Variants in CYB5B observed in about 807,000 individuals in gnomAD.
CYB5B encodes cytochrome b5 type B (outer mitochondrial membrane).
Under a neutral mutation model 21.3 loss-of-function variants are expected in CYB5B, and 14 were observed. The observed-to-expected ratio is 0.66, with a 90% confidence interval of 0.43 to 1.03. The LOEUF (loss-of-function observed/expected upper bound fraction) is 1.03. Among genes scored for constraint, CYB5B ranks in the 50% least tolerant of loss-of-function variants. CYB5B has a pLI of 0.00. For synonymous variants in CYB5B, 69 were observed against 68.4 expected (o/e 1.01, Z -0.04); for missense variants, 166 against 185.1 (o/e 0.90, Z 0.60).
At chr16:69,440,285 C>T (rs2014806548) in intron 1 of CYB5B, among the ~76,000 whole-genome samples, 1 of 152,188 alleles carries the variant, frequency 6.6e-6, no homozygotes. Context: ...TGAGACTATA[C>T]TCATTAAACA....
chr16:69,461,899 T>G (rs2142829571), intron 4 of CYB5B, among the ~76,000 whole-genome samples: 1 of 152,336 alleles, frequency 6.6e-6, no homozygotes, highest in East Asian at 1.9e-4. Context: ...TAACCCTATT[T>G]CGTAGGTTAT....
Position 69,424,673 on chromosome 16 carries a change from G to A in CYB5B, c.-11G>A. 6.5e-7 allele frequency: 1 copy of A among 1,538,144 alleles called. No individual in the cohort carries two copies. The highest frequency in any genetic ancestry group is 8.8e-7 in the Non-Finnish European group (1 of 1,141,208). On this transcript the variant is annotated 5_prime_UTR_variant, in exon 1 of 5. Transcript: ENST00000307892. The stretch of plus-strand genomic sequence containing the variant: ...TAGTCGCGGAATCTCAGTTAGCGGT[G>A]GAGAGGCAGTATGTCCGGTTCAATG...
chr16:69,443,727 C>T (rs1314696712), intron 1 of CYB5B, among the ~76,000 whole-genome samples: 1 of 152,160 alleles, frequency 6.6e-6, no homozygotes, highest in Non-Finnish European at 1.5e-5. Flanking sequence ...TGGTGGCAGG[C>T]ACCTGTAGTC....
intron 2 of CYB5B, 81 bp from the exon 3 acceptor site, chr16:69,448,034 T>C: frequency 2.1e-6 from 3 of 1,459,768 alleles, no homozygotes; most frequent in Non-Finnish European, 2.8e-6. Flanking sequence ...TAGTCTCATG[T>C]TCCAAAGTTA....
chr16:69,444,583 C>T (rs2014858895), intron 1 of CYB5B, among the ~76,000 whole-genome samples: 2 of 151,924 alleles, frequency 1.3e-5, no homozygotes, highest in South Asian at 4.1e-4. Flanking sequence ...TCTAAGCCAT[C>T]TCTATTAAGA....
At chr16:69,432,524 T>A (rs1400728994) in intron 1 of CYB5B, among the ~76,000 whole-genome samples, 1 of 152,228 alleles carries the variant, frequency 6.6e-6, no homozygotes, top group Non-Finnish European at 1.5e-5. Flanking sequence ...TATACTTATA[T>A]GTGCAAACAT....
At chr16:69,453,822 G>T (rs1211416554) in intron 3 of CYB5B, among the ~76,000 whole-genome samples, 1 of 152,140 alleles carries the variant, frequency 6.6e-6, no homozygotes, top group Non-Finnish European at 1.5e-5. Flanking sequence ...GCCTCTCAAA[G>T]TGCTGGGATT....
At chr16:69,456,640 C>T (rs2014986156) in intron 3 of CYB5B, among the ~76,000 whole-genome samples, 1 of 152,122 alleles carries the variant, frequency 6.6e-6, no homozygotes, top group Admixed American at 6.5e-5. Flanking sequence ...AAAATCTGGG[C>T]ATGGACATAA....
chr16:69,426,413 AAG>A (rs1056610829), intron 1 of CYB5B, among the ~76,000 whole-genome samples: 3 of 148,434 alleles, frequency 2.0e-5, no homozygotes, highest in African/African-American at 7.5e-5. Context: ...AAAAAAAAAA[AAG>A]TACTTTCCCG....
At chr16:69,427,559 G>GTCT (rs1173829010) in intron 1 of CYB5B, among the ~76,000 whole-genome samples, 1 of 151,996 alleles carries the variant, frequency 6.6e-6, no homozygotes, top group Non-Finnish European at 1.5e-5. Flanking sequence ...TTGAGACAAG[G>GTCT]TCTTACTTTC....
At chr16:69,452,746 C>T (rs780305675) in intron 3 of CYB5B, among the ~76,000 whole-genome samples, 3 of 152,008 alleles carry the variant, frequency 2.0e-5, no homozygotes, top group Non-Finnish European at 4.4e-5. Context: ...CGGTGGCTCA[C>T]GCTTGTAATC....
chr16:69,445,871 G>T (rs2014872594), intron 1 of CYB5B, among the ~76,000 whole-genome samples: 1 of 152,104 alleles, frequency 6.6e-6, no homozygotes, highest in Admixed American at 6.5e-5. Flanking sequence ...CAGGAGAATC[G>T]CTTGAACCCG....
chr16:69,431,219 C>T (rs1012532455), intron 1 of CYB5B, among the ~76,000 whole-genome samples: 14 of 151,564 alleles, frequency 9.2e-5, no homozygotes, highest in Admixed American at 2.6e-4. Flanking sequence ...GAACTCCTGA[C>T]CTCAAGTGAT....
chr16:69,429,879 A>C (rs911132383), intron 1 of CYB5B, among the ~76,000 whole-genome samples: 2 of 152,160 alleles, frequency 1.3e-5, no homozygotes, highest in Admixed American at 1.3e-4. Context: ...AGAGGTTCCT[A>C]ATCTTAAGTG....
At chr16:69,452,967 C>G (rs141652205) in intron 3 of CYB5B, among the ~76,000 whole-genome samples, 2,144 of 151,096 alleles carry the variant, frequency 0.014, 52 homozygotes, top group African/African-American at 0.049. Context: ...CCAATGCACT[C>G]CAGCCTGGTG....
intron 1 of CYB5B, among the ~76,000 whole-genome samples, chr16:69,444,783 A>G (rs572697860): frequency 6.6e-6 from 1 of 152,292 alleles, no homozygotes; most frequent in Non-Finnish European, 1.5e-5. Flanking sequence ...ATTCAATAAA[A>G]AATTGTAGAC....
chr16:69,452,550 G>A (rs2014945663), intron 3 of CYB5B, among the ~76,000 whole-genome samples: 2 of 151,958 alleles, frequency 1.3e-5, no homozygotes, highest in Admixed American at 1.3e-4. Flanking sequence ...GAATGGTGGT[G>A]TCCCAGCTAC....
At chr16:69,455,608 A>G (rs61561936) in intron 3 of CYB5B, among the ~76,000 whole-genome samples, 9,661 of 151,524 alleles carry the variant, frequency 0.064, 991 homozygotes, top group African/African-American at 0.22. Context: ...GGGTTTCACC[A>G]TGTTGGCCAG....
chr16:69,458,304 C>T (rs2015001091), intron 3 of CYB5B, among the ~76,000 whole-genome samples: 1 of 152,112 alleles, frequency 6.6e-6, no homozygotes, highest in Non-Finnish European at 1.5e-5. Flanking sequence ...CCCCACAACT[C>T]GTCCTCCTCA....
Sources: allele counts gnomAD v4.1 joint callset (sites outside exome capture counted in the v4.1 genomes callset), GRCh38; gene constraint gnomAD v4.1.1; transcripts MANE v1.5; gene names NCBI Gene and HGNC (gene_info 2026-07-23, HGNC 2026-07-21).